ABLIM2: variants seen among roughly 807,000 people sequenced by gnomAD.
ABLIM2 encodes actin-binding LIM protein 2.
ABLIM2 carries 53 observed loss-of-function variants against 97.7 expected under a neutral mutation model. That is an observed-to-expected ratio of 0.54 (90% CI 0.44 to 0.68). ABLIM2 has a LOEUF of 0.68. Ranked by LOEUF, ABLIM2 falls within the 30% of genes least tolerant of loss-of-function variation. The probability of loss-of-function intolerance (pLI) is 0.00; values close to 1 mark genes in which losing one functional copy is unlikely to be tolerated. For synonymous variants in ABLIM2, 361 were observed against 345.8 expected, an observed-to-expected ratio of 1.04 and a Z score of -0.49; for missense variants, 835 against 867.2, an observed-to-expected ratio of 0.96 and a Z score of 0.47.
chr4:8,016,704 A>C (rs1368736378), intron 14 of ABLIM2, among the ~76,000 whole-genome samples: 1 of 152,176 alleles, frequency 6.6e-6, no homozygotes, highest in Non-Finnish European at 1.5e-5. Flanking sequence ...AGGACTTTCC[A>C]CAGTAACCTC....
chr4:8,071,700 C>T lies in ABLIM2; in HGVS notation c.675+5928G>A, dbSNP rs1812266570. The T allele has an allele frequency of 2.3e-6, 2 of 866,294 alleles. No individual in the cohort carries two copies. Among genetic ancestry groups the T allele is most frequent in the South Asian group, 1.1e-4 (2 of 18,950 alleles). 53.7% of individuals were successfully genotyped at this position (866,294 alleles called of 1,614,324 possible). A position where few individuals can be genotyped will look rare whatever the true frequency, so the allele number is the denominator to read the frequency against. ...ACTGCTCTGTCCCCAAAAACCCACC[C>T]ACCCGCAGCCCCTCCTGGCCCCTGT... On this transcript the variant is annotated intron_variant, in intron 6 of 20. Transcript: ENST00000447017. This position sits in a 1 kb window ranked among gnomAD's most constrained non-coding sequence, Gnocchi z 6.2.
In ABLIM2 at chr4:8,019,518, C is replaced by A; in HGVS notation, c.1423+100G>T. On this transcript the variant is annotated intron_variant, in intron 14 of 20. Transcript: ENST00000447017. The surrounding 1 kb of genome is among the most constrained non-coding windows in gnomAD (Gnocchi z 4.3). ...GCTAAGGGCCTTGGTGGTGCCTTCA[C>A]TGCATTTATCAGAACACAACAAAAG... The A allele has an allele frequency of 8.2e-7, 1 of 1,224,036 alleles. No individual in the cohort carries two copies. 75.8% of individuals were successfully genotyped at this position (1,224,036 alleles called of 1,614,324 possible).
In ABLIM2 at chr4:8,155,515, G is replaced by A. The variant is rs76368604; in HGVS notation, c.10+3165C>T. On this transcript the variant is annotated intron_variant, in intron 1 of 20. Coordinates refer to ENST00000447017, the MANE Select transcript of ABLIM2 (RefSeq NM_001130083.2). The surrounding 1 kb of genome is among the most constrained non-coding windows in gnomAD (Gnocchi z 4.2). ...TTCCAGTTCCATGATCCTAAGAGCA[G>A]CATGGAAACAGAAGGCTGAGCCAGC... is the stretch of plus-strand genomic sequence containing the variant. Among the ~76,000 whole-genome samples, 4,836 of 152,236 alleles carry A rather than the reference G, an allele frequency of 0.032. 266 individuals are homozygous for A. The highest frequency in any genetic ancestry group is 0.11 in the African/African-American group (4,559 of 41,506).
rs571597803 is a variant in ABLIM2, at chr4:8,083,292, C to T, written c.455-2490G>A. Among the ~76,000 whole-genome samples the T allele has an allele frequency of 1.3e-5, 2 of 152,192 alleles. No homozygotes were observed. The highest frequency in any genetic ancestry group is 2.4e-5 in the African/African-American group (1 of 41,442). On this transcript the variant is annotated intron_variant, in intron 4 of 20. Coordinates refer to ENST00000447017, the MANE Select transcript of ABLIM2 (RefSeq NM_001130083.2). This position sits in a 1 kb window ranked among gnomAD's most constrained non-coding sequence, Gnocchi z 4.6. ...GGGGAAGTCACTTCACCTCTCTGTG[C>T]CCCTGGAATGAGGGCACGTGTGATC... is the stretch of plus-strand genomic sequence containing the variant.
At chr4:8,016,005 C>G (rs908729425) in intron 14 of ABLIM2, among the ~76,000 whole-genome samples, 1 of 150,734 alleles carries the variant, frequency 6.6e-6, no homozygotes, top group Non-Finnish European at 1.5e-5. Context: ...GCTACTATTC[C>G]TGTCTGTAAT....
Position 8,071,721 on chromosome 4 carries a change from CCT to C in ABLIM2, c.675+5905_675+5906del, listed in dbSNP as rs1371546431. ...CACCCACCCGCAGCCCCTCCTGGCC[CCT>C]GTGAGCCCCCATCAGCCCCTTGGAG... On this transcript the variant is annotated intron_variant, in intron 6 of 20. Transcript: ENST00000447017. The surrounding 1 kb of genome is among the most constrained non-coding windows in gnomAD (Gnocchi z 6.2). 1.0e-6 allele frequency: 1 copy of C among 985,254 alleles called. No individual in the cohort carries two copies. The highest frequency in any genetic ancestry group is 1.7e-5 in the African/African-American group (1 of 57,212). 61.0% of individuals were successfully genotyped at this position (985,254 alleles called of 1,614,324 possible). A position where few individuals can be genotyped will look rare whatever the true frequency, so the allele number is the denominator to read the frequency against.
chr4:7,985,007 G>A (rs1742563984), intron 17 of ABLIM2, 114 bp from the exon 18 acceptor site: 1 of 1,101,842 alleles, frequency 9.1e-7, no homozygotes, highest in African/African-American at 1.6e-5. Flanking sequence ...GCTGCCTGGG[G>A]AGTAGGGTGT....
At chr4:8,041,793 A>G (rs1788786810) in intron 9 of ABLIM2, among the ~76,000 whole-genome samples, 1 of 152,000 alleles carries the variant, frequency 6.6e-6, no homozygotes, top group Non-Finnish European at 1.5e-5. Context: ...TGTCCCAGCT[A>G]CTCGGGAGGC....
In ABLIM2 at chr4:8,032,546, C is replaced by G. The variant is rs1579209201; in HGVS notation, c.1048-2770G>C. 2.0e-6 allele frequency: 3 copies of G among 1,479,298 alleles called. No homozygotes were observed. The East Asian group carries it at 6.9e-5, about 34-fold the overall frequency. The allele number at this position is 1,479,298 out of a possible 1,614,324, so 91.6% of individuals were successfully genotyped here. A position where few individuals can be genotyped will look rare whatever the true frequency, so the allele number is the denominator to read the frequency against. On this transcript the variant is annotated intron_variant, in intron 10 of 20. Transcript: ENST00000447017. This position sits in a 1 kb window ranked among gnomAD's most constrained non-coding sequence, Gnocchi z 4.3. ...TGGCCCCGGGCCCCATGGTGAAGAG[C>G]CACCGAGGAGGCCCTTCCCGGGAGT... is the stretch of plus-strand genomic sequence containing the variant.
intron 6 of ABLIM2, chr4:8,066,581 A>C (rs1486127692): frequency 6.6e-6 from 1 of 152,244 alleles, no homozygotes; most frequent in Admixed American, 6.5e-5. Context: ...ACAGACAGGA[A>C]TGAAAGCACT....
chr4:8,061,052 G>C lies in ABLIM2; in HGVS notation c.678C>G (p.Ala226=), dbSNP rs146259565. 5 of 1,585,284 alleles carry C rather than the reference G, an allele frequency of 3.2e-6. No homozygotes were observed. The highest frequency in any genetic ancestry group is 1.3e-5 in the African/African-American group (1 of 74,376). ...AGGAAGGGTGGTAGTGCTTCTCTCC[G>C]GCCTGTAAGAAAAGCACAAAGCAGA... ...EKYITGRVLE[A]GEKHYHPSCA... Residue 226 remains alanine, a splice_region_variant and synonymous_variant, in exon 7 of 21, where the codon GCC becomes GCG. Transcript: ENST00000447017. This position sits in a 1 kb window ranked among gnomAD's most constrained non-coding sequence, Gnocchi z 4.5.
rs985607243 is a variant in ABLIM2 at position 8,149,883 on chromosome 4, G to A, written c.10+8797C>T. On this transcript the variant is annotated intron_variant, in intron 1 of 20. Transcript: ENST00000447017. The surrounding 1 kb of genome is among the most constrained non-coding windows in gnomAD (Gnocchi z 6.4). Reference sequence around the variant, plus strand: ...CACACAGCCGGTCCCTCTGTGGGACGATTCAGAGGCTCCCAGTGGGACTGA... The same window carrying A: ...CACACAGCCGGTCCCTCTGTGGGACAATTCAGAGGCTCCCAGTGGGACTGA... 9.9e-5 allele frequency among the ~76,000 whole-genome samples: 15 copies of A among 152,214 alleles called. No homozygotes were observed. Among genetic ancestry groups the A allele is most frequent in the Admixed American group, 6.5e-4 (10 of 15,292 alleles).
At chr4:8,089,730 A>AT (rs1826069542) in intron 3 of ABLIM2, among the ~76,000 whole-genome samples, 1 of 82,186 alleles carries the variant, frequency 1.2e-5, no homozygotes, top group African/African-American at 6.6e-5. Context: ...TGAGATTCAT[A>AT]TCAAAAAAAA....
chr4:8,001,289 C>T lies in ABLIM2; in HGVS notation c.1618+6770G>A, dbSNP rs142453143. Among the ~76,000 whole-genome samples, 11 of 152,226 alleles carry T rather than the reference C, an allele frequency of 7.2e-5. No homozygotes were observed. The East Asian group carries it at 1.9e-3, about 27-fold the overall frequency. ...GACAACATGAGCTCTCAGAGGGACA[C>T]GGGGTGCCACCCAGGGCCTGTGCTG... On this transcript the variant is annotated intron_variant, in intron 16 of 20. Transcript: ENST00000447017. The surrounding 1 kb of genome is among the most constrained non-coding windows in gnomAD (Gnocchi z 4.2).
At position 8,054,914 on chromosome 4, in the gene ABLIM2, G is replaced by T. The variant is rs549106435; in HGVS notation, c.764-668C>A. 1.3e-5 allele frequency among the ~76,000 whole-genome samples: 2 copies of T among 152,242 alleles called. No homozygotes were observed. Among genetic ancestry groups the T allele is most frequent in the Non-Finnish European group, 2.9e-5 (2 of 68,018 alleles). On this transcript the variant is annotated intron_variant, in intron 7 of 20. Transcript: ENST00000447017. This position sits in a 1 kb window ranked among gnomAD's most constrained non-coding sequence, Gnocchi z 4.9. ...TGTGTCTCAGTTTCTCTAGCTGTCA[G>T]TTCTGCCCAGTCACCCATGTCAACA...
At chr4:8,038,020 C>T (rs1384468385) in intron 9 of ABLIM2, among the ~76,000 whole-genome samples, 1 of 152,172 alleles carries the variant, frequency 6.6e-6, no homozygotes, top group African/African-American at 2.4e-5. Context: ...CAGGAGCTGC[C>T]GGGGGCATTT....
intron 9 of ABLIM2, among the ~76,000 whole-genome samples, chr4:8,042,611 G>A (rs1328212397): frequency 2.0e-5 from 3 of 152,148 alleles, no homozygotes; most frequent in Middle Eastern, 3.2e-3. Flanking sequence ...CAGGCCAGGC[G>A]AGTGGATCAC....
rs572113628 is a variant in ABLIM2 at position 8,004,227 on chromosome 4, A to C, written c.1618+3832T>G. Among the ~76,000 whole-genome samples the C allele has an allele frequency of 1.3e-5, 2 of 151,836 alleles. No homozygotes were observed. Among genetic ancestry groups the C allele is most frequent in the Admixed American group, 1.3e-4 (2 of 15,228 alleles). On this transcript the variant is annotated intron_variant, in intron 16 of 20. Transcript: ENST00000447017. The surrounding 1 kb of genome is among the most constrained non-coding windows in gnomAD (Gnocchi z 5.9). The stretch of plus-strand genomic sequence containing the variant: ...CAGAGACAAGCACCTCCCACCAGAC[A>C]TGGGACTCCGCCCGGTCCCACAGCG...
intron 8 of ABLIM2, among the ~76,000 whole-genome samples, chr4:8,052,905 G>A (rs1395690480): frequency 6.6e-6 from 1 of 152,248 alleles, no homozygotes; most frequent in Non-Finnish European, 1.5e-5. Context: ...TGAGGTCTAC[G>A]GGATACCCCA....
Sources: allele counts gnomAD v4.1 joint callset (sites outside exome capture counted in the v4.1 genomes callset), GRCh38; gene constraint gnomAD v4.1.1; non-coding constraint Gnocchi (gnomAD v3.1); transcripts MANE v1.5; gene names NCBI Gene and HGNC (gene_info 2026-07-23, HGNC 2026-07-21).